Variants in GLI2 observed in about 807,000 individuals in gnomAD.
GLI2 encodes transcription activator GLI2.
GLI2 carries 22 observed loss-of-function variants against 78.9 expected under a neutral mutation model. The ratio of observed to expected loss-of-function variants is 0.28; its 90% CI spans 0.20 to 0.40. The LOEUF is 0.40. Ranked by LOEUF, GLI2 falls within the 10% of genes least tolerant of loss-of-function variation. GLI2 has a pLI of 1.00. For missense variants in GLI2, 2,097 were observed against 2,213.2 expected (o/e 0.95, Z 1.05); for synonymous variants, 974 against 963.7 (o/e 1.01, Z -0.20).
chr2:120,800,131 C>A lies in GLI2; in HGVS notation c.148+2663C>A, dbSNP rs1223911607. 6.6e-6 allele frequency among the ~76,000 whole-genome samples: 1 copy of A among 152,106 alleles called. No homozygotes were observed. The highest frequency in any genetic ancestry group is 2.4e-5 in the African/African-American group (1 of 41,404). On this transcript the variant is annotated intron_variant, in intron 2 of 13. Coordinates refer to ENST00000361492, the MANE Select transcript of GLI2 (RefSeq NM_001374353.1). This position sits in a 1 kb window ranked among gnomAD's most constrained non-coding sequence, Gnocchi z 4.1. ...CATCAGGCACAGGGCTGGGTGTGGACAGTGGGTGAGGAGGGGCCGTGAGGG... is the reference window on the plus strand; with the variant it reads ...CATCAGGCACAGGGCTGGGTGTGGAAAGTGGGTGAGGAGGGGCCGTGAGGG...
chr2:120,956,776 C>T (rs1217945494), intron 5 of GLI2, among the ~76,000 whole-genome samples: 1 of 152,096 alleles, frequency 6.6e-6, no homozygotes, highest in Non-Finnish European at 1.5e-5. Flanking sequence ...GCCGTGCAGC[C>T]TGTAGCAGGT....
chr2:120,988,485 C>A lies in GLI2; in HGVS notation c.2520C>A (p.Pro840=), dbSNP rs1167305218. ...CGAGCTCCGCTGACTCCTACGACCC[C>A]ATCTCCACGGACGCGTCGCGGCGCT... ...HNASSADSYD[P]ISTDASRRSS... Residue 840 remains proline, a synonymous_variant, in exon 14 of 14, where the codon CCC becomes CCA. Coordinates refer to ENST00000361492, the MANE Select transcript of GLI2 (RefSeq NM_001374353.1). 1.9e-6 allele frequency: 3 copies of A among 1,555,776 alleles called. No homozygotes were observed. Among genetic ancestry groups the A allele is most frequent in the Non-Finnish European group, 2.6e-6 (3 of 1,160,804 alleles).
At chr2:120,775,969 G>A (rs750077603) in intron 1 of GLI2, among the ~76,000 whole-genome samples, 3 of 152,350 alleles carry the variant, frequency 2.0e-5, no homozygotes, top group East Asian at 1.9e-4. Context: ...TAACGCTCTC[G>A]CCCTGGCTGG....
chr2:120,977,804 C>T (rs911074397), intron 9 of GLI2, among the ~76,000 whole-genome samples: 2 of 152,186 alleles, frequency 1.3e-5, no homozygotes, highest in Non-Finnish European at 2.9e-5. Context: ...TCCACCACGC[C>T]GACTGCCAGG....
intron 2 of GLI2, among the ~76,000 whole-genome samples, chr2:120,901,573 C>T (rs978724062): frequency 3.9e-5 from 6 of 152,190 alleles, no homozygotes; most frequent in African/African-American, 1.4e-4. Context: ...TCTTCATAGA[C>T]CACTAGGAGA....
chr2:120,907,450 G>A (rs1166982180), intron 2 of GLI2, among the ~76,000 whole-genome samples: 1 of 152,166 alleles, frequency 6.6e-6, no homozygotes, highest in African/African-American at 2.4e-5. Context: ...GGGTGGCAAT[G>A]GCCTCTCGTA....
intron 3 of GLI2, among the ~76,000 whole-genome samples, chr2:120,934,636 G>A (rs779122526): frequency 6.6e-6 from 1 of 152,174 alleles, no homozygotes; most frequent in Non-Finnish European, 1.5e-5. Context: ...GGGCATGGGG[G>A]CCTCACCTCC....
intron 2 of GLI2, among the ~76,000 whole-genome samples, chr2:120,875,971 T>C (rs1398997204): frequency 6.6e-6 from 1 of 152,196 alleles, no homozygotes; most frequent in Admixed American, 6.5e-5. Context: ...AGGGAAAGAA[T>C]GGACTGTTCA....
chr2:120,900,950 G>A (rs1217791979), intron 2 of GLI2, among the ~76,000 whole-genome samples: 1 of 152,176 alleles, frequency 6.6e-6, no homozygotes, highest in Non-Finnish European at 1.5e-5. Flanking sequence ...TTAAGAGGGA[G>A]AACAGAGCCC....
intron 2 of GLI2, among the ~76,000 whole-genome samples, chr2:120,830,337 A>C (rs908472333): frequency 6.6e-6 from 1 of 152,216 alleles, no homozygotes; most frequent in Non-Finnish European, 1.5e-5. Context: ...CCCTGTGGGC[A>C]TAGTGCCTGG....
In GLI2 at chr2:120,825,876, G is replaced by T. The variant is rs149858862; in HGVS notation, c.148+28408G>T. Among the ~76,000 whole-genome samples, 167 of 152,372 alleles carry T rather than the reference G, an allele frequency of 1.1e-3. 3 individuals carry two copies. In the East Asian group the frequency reaches 0.029, roughly 26 times the overall value. On this transcript the variant is annotated intron_variant, in intron 2 of 13. Coordinates refer to ENST00000361492, the MANE Select transcript of GLI2 (RefSeq NM_001374353.1). ...TAATCTGGCCAGGGATCACAGGAGC[G>T]CTCCTTCCTGTGGCTGCTGGTTCGC...
chr2:120,861,163 C>T (rs374730656), intron 2 of GLI2, among the ~76,000 whole-genome samples: 47 of 152,306 alleles, frequency 3.1e-4, no homozygotes, highest in African/African-American at 1.1e-3. Context: ...GTGAGGAACC[C>T]GAGTTTCCTG....
Position 120,971,950 on chromosome 2 carries a change from A to G in GLI2, c.1069A>G (p.Ser357Gly), listed in dbSNP as rs1294621829. The stretch of plus-strand genomic sequence containing the variant: ...CTGCACCCTTCCTCAGAACAAGCAG[A>G]GCAGTGAGTCGGCCGTCAGCAGCAC... ...CLSDTNQNKQ[S>G]SESAVSSTVN... The change falls in exon 8 of 14, where the codon AGC (serine) becomes GGC (glycine). Residue 357 changes from serine (S) to glycine (G), a missense_variant. Physicochemically the swap from Ser to Gly is moderately conservative, Grantham distance 56. Around this residue, in one of 5 missense-constraint regions of GLI2, gnomAD observed 578 missense variants for 612.0 expected, o/e 0.94. Transcript: ENST00000361492. The G allele has an allele frequency of 6.2e-7, 1 of 1,613,804 alleles. No individual in the cohort carries two copies. Among genetic ancestry groups the G allele is most frequent in the Non-Finnish European group, 8.5e-7 (1 of 1,179,930 alleles).
chr2:120,942,970 CCTCA>C (rs113745501), intron 3 of GLI2, among the ~76,000 whole-genome samples: 5,570 of 149,774 alleles, frequency 0.037, 137 homozygotes, highest in African/African-American at 0.067. Context: ...TCGTTCACGC[CCTCA>C]CTCACTCATT....
intron 12 of GLI2, among the ~76,000 whole-genome samples, chr2:120,985,632 G>C (rs1016181007): frequency 6.6e-6 from 1 of 152,210 alleles, no homozygotes; most frequent in Admixed American, 6.5e-5. Flanking sequence ...CCCAGAGGTG[G>C]TGGTGCATCT....
intron 2 of GLI2, among the ~76,000 whole-genome samples, chr2:120,880,524 G>A (rs534764153): frequency 2.0e-5 from 3 of 151,978 alleles, no homozygotes; most frequent in Non-Finnish European, 2.9e-5. Context: ...TTCCAGCCCC[G>A]GCTCTGCCCG....
chr2:120,960,771 C>T (rs982593544), intron 5 of GLI2, among the ~76,000 whole-genome samples: 10 of 152,222 alleles, frequency 6.6e-5, no homozygotes, highest in Non-Finnish European at 1.3e-4. Flanking sequence ...CCAAGCCCTG[C>T]GTTCCTCCCA....
intron 1 of GLI2, among the ~76,000 whole-genome samples, chr2:120,764,447 A>C (rs1683309742): frequency 6.7e-6 from 1 of 148,786 alleles, no homozygotes; most frequent in South Asian, 2.1e-4. Flanking sequence ...AAAAAAAGAG[A>C]ACGGATTACT....
intron 2 of GLI2, among the ~76,000 whole-genome samples, chr2:120,843,567 G>A (rs960788516): frequency 6.6e-6 from 1 of 152,208 alleles, no homozygotes; most frequent in African/African-American, 2.4e-5. Flanking sequence ...CAAATACCCC[G>A]CTTTGGTTAA....
Sources: allele counts gnomAD v4.1 joint callset (sites outside exome capture counted in the v4.1 genomes callset), GRCh38; gene constraint gnomAD v4.1.1; regional missense constraint gnomAD v4.1.1; non-coding constraint Gnocchi (gnomAD v3.1); transcripts MANE v1.5; gene names NCBI Gene and HGNC (gene_info 2026-07-23, HGNC 2026-07-21).